CACNA1B: variants seen among roughly 807,000 people sequenced by gnomAD.
CACNA1B encodes calcium voltage-gated channel subunit alpha1 B.
Under a neutral mutation model 247.2 loss-of-function variants are expected in CACNA1B, and 70 were observed. The ratio of observed to expected loss-of-function variants is 0.28; its 90% CI spans 0.23 to 0.35. The LOEUF (loss-of-function observed/expected upper bound fraction) is 0.35. Among genes scored for constraint, CACNA1B ranks in the 10% least tolerant of loss-of-function variants. The pLI is 1.00. For synonymous variants in CACNA1B, 1,231 were observed against 1,294.4 expected (o/e 0.95, Z 1.05); for missense variants, 2,367 against 3,197.4 (o/e 0.74, Z 6.26).
chr9:138,025,149 T>A lies in CACNA1B; in HGVS notation c.3263T>A (p.Leu1088His), dbSNP rs1200532659. 6.2e-7 allele frequency: 1 copy of A among 1,611,926 alleles called. No individual in the cohort carries two copies. The highest frequency in any genetic ancestry group is 1.7e-5 in the Admixed American group (1 of 59,842). The change falls in exon 20 of 47, where the codon CTT (leucine) becomes CAT (histidine). Residue 1088 changes from leucine to histidine, a missense_variant. Around this residue, in one of 12 missense-constraint regions of CACNA1B, gnomAD observed 631 missense variants for 631.1 expected, o/e 1.00. Coordinates refer to ENST00000371372, the MANE Select transcript of CACNA1B (RefSeq NM_000718.4). Reference protein sequence around the residue: ...VHIPVMLTGPLGEATVVPSGN... With the variant: ...VHIPVMLTGPHGEATVVPSGN... Reference sequence around the variant, plus strand: ...ATCCCAGTGATGCTGACGGGCCCTCTTGGGGAAGCCACGGTCGTTCCCAGT... The same window carrying A: ...ATCCCAGTGATGCTGACGGGCCCTCATGGGGAAGCCACGGTCGTTCCCAGT...
rs143492598 is a variant in CACNA1B at position 137,996,239 on chromosome 9, C to G, written c.1974+9385C>G. Among the ~76,000 whole-genome samples the G allele has an allele frequency of 4.2e-3, 644 of 152,282 alleles. 9 individuals carry two copies. The highest frequency in any genetic ancestry group is 0.015 in the African/African-American group (606 of 41,544). On this transcript the variant is annotated intron_variant, in intron 15 of 46. Coordinates refer to ENST00000371372, the MANE Select transcript of CACNA1B (RefSeq NM_000718.4). ...TTTATAGCAGCACAATTTGGAATTG[C>G]AAAAATATGGAACCAACCCAGATGC...
At chr9:138,069,347 G>T (rs1185497975) in intron 31 of CACNA1B, among the ~76,000 whole-genome samples, 1 of 152,126 alleles carries the variant, frequency 6.6e-6, no homozygotes, top group Non-Finnish European at 1.5e-5. Context: ...AACTGACATT[G>T]ATTTCTTTGC....
intron 18 of CACNA1B, among the ~76,000 whole-genome samples, chr9:138,017,651 CTG>C (rs1564240590): frequency 1.3e-5 from 2 of 152,310 alleles, no homozygotes; most frequent in Admixed American, 1.3e-4. Flanking sequence ...GGGACTGTGT[CTG>C]TGATTCTCAG....
rs369551772 is a variant in CACNA1B at position 138,045,007 on chromosome 9, C to G, written c.3413+1107C>G. Among the ~76,000 whole-genome samples, 7 of 152,316 alleles carry G rather than the reference C, an allele frequency of 4.6e-5. No homozygotes were observed. In the East Asian group the frequency reaches 1.3e-3, roughly 29 times the overall value. On this transcript the variant is annotated intron_variant, in intron 21 of 46. Transcript: ENST00000371372. ...GTGGAAATGGAAACACAGGAAGGCA[C>G]TGGCATTCTGGGAGCAGGTGATAGA...
At chr9:137,956,721 C>T in intron 8 of CACNA1B, 50 bp from the exon 9 acceptor site, 1 of 1,537,984 alleles carries the variant, frequency 6.5e-7, no homozygotes, top group Non-Finnish European at 9.0e-7. Context: ...TGTCCTGGGG[C>T]ATTCCTGGGG....
Position 138,073,970 on chromosome 9 carries a change from G to A in CACNA1B, c.4792-31G>A. 4 of 1,594,412 alleles carry A rather than the reference G, an allele frequency of 2.5e-6. No individual in the cohort carries two copies. Among genetic ancestry groups the A allele is most frequent in the South Asian group, 2.2e-5 (2 of 90,818 alleles). On this transcript the variant is annotated intron_variant, in intron 33 of 46. Coordinates refer to ENST00000371372, the MANE Select transcript of CACNA1B (RefSeq NM_000718.4). The surrounding 1 kb of genome is among the most constrained non-coding windows in gnomAD (Gnocchi z 6.4). ...GGCCTGGGCGTGGTGGCTGGGAGGT[G>A]CCTGTAGCTGACCGGCCCCTGTCTC...
intron 6 of CACNA1B, among the ~76,000 whole-genome samples, chr9:137,934,058 A>G (rs1030992547): frequency 1.3e-5 from 2 of 152,236 alleles, no homozygotes; most frequent in Non-Finnish European, 2.9e-5. Flanking sequence ...AAATTGTAAA[A>G]ATATAAAAAA....
rs1427533117 is a variant in CACNA1B at position 138,014,296 on chromosome 9, C to T, written c.2267+1061C>T. Among the ~76,000 whole-genome samples, 1 of 152,160 alleles carries T rather than the reference C, an allele frequency of 6.6e-6. No individual in the cohort carries two copies. The highest frequency in any genetic ancestry group is 1.5e-5 in the Non-Finnish European group (1 of 68,032). On this transcript the variant is annotated intron_variant, in intron 18 of 46. Coordinates refer to ENST00000371372, the MANE Select transcript of CACNA1B (RefSeq NM_000718.4). The surrounding 1 kb of genome is among the most constrained non-coding windows in gnomAD (Gnocchi z 6.2). ...TGTGCTGAGTGTGTGCACCCCCATACCAGCCCTGATCCTGCCTGGAGGGCA... is the reference window on the plus strand; with the variant it reads ...TGTGCTGAGTGTGTGCACCCCCATATCAGCCCTGATCCTGCCTGGAGGGCA...
chr9:138,113,169 AACGT>A (rs1961717839), intron 40 of CACNA1B, among the ~76,000 whole-genome samples: 2 of 104,610 alleles, frequency 1.9e-5, no homozygotes, highest in Non-Finnish European at 4.0e-5. Flanking sequence ...ATCTTATGGG[AACGT>A]GAGGGAGCGC....
intron 10 of CACNA1B, among the ~76,000 whole-genome samples, chr9:137,959,293 G>A (rs1589033429): frequency 6.6e-6 from 1 of 152,082 alleles, no homozygotes; most frequent in African/African-American, 2.4e-5. Flanking sequence ...GGCTGTTCTC[G>A]AACTCCTGAC....
rs1956933926 is a variant in CACNA1B at position 137,882,288 on chromosome 9, G to C, written c.391-456G>C. Among the ~76,000 whole-genome samples, 1 of 152,214 alleles carries C rather than the reference G, an allele frequency of 6.6e-6. No homozygotes were observed. The highest frequency in any genetic ancestry group is 1.5e-5 in the Non-Finnish European group (1 of 68,032). Reference sequence around the variant, plus strand: ...CTGTGCCTCTGTCTCCCACATGTTAGAATGGGGATGACCTCATGGGGTATT... The same window carrying C: ...CTGTGCCTCTGTCTCCCACATGTTACAATGGGGATGACCTCATGGGGTATT... On this transcript the variant is annotated intron_variant, in intron 2 of 46. Coordinates refer to ENST00000371372, the MANE Select transcript of CACNA1B (RefSeq NM_000718.4). The surrounding 1 kb of genome is among the most constrained non-coding windows in gnomAD (Gnocchi z 4.0).
chr9:138,103,247 G>A (rs888139370), intron 38 of CACNA1B, among the ~76,000 whole-genome samples: 74 of 152,172 alleles, frequency 4.9e-4, no homozygotes, highest in Non-Finnish European at 1.2e-4. Context: ...TGGCCCTGGG[G>A]GCAGGTGGGG....
At chr9:137,926,695 A>G (rs971617429) in intron 6 of CACNA1B, among the ~76,000 whole-genome samples, 10 of 152,256 alleles carry the variant, frequency 6.6e-5, no homozygotes, top group African/African-American at 2.4e-4. Flanking sequence ...CATCCTCACC[A>G]ATACTTGTTA....
At chr9:137,933,401 G>A (rs1957629954) in intron 6 of CACNA1B, among the ~76,000 whole-genome samples, 1 of 152,176 alleles carries the variant, frequency 6.6e-6, no homozygotes, top group Non-Finnish European at 1.5e-5. Flanking sequence ...TTTCGCTTCT[G>A]TTAATACAAA....
At chr9:137,915,387 G>A (rs1225939554) in intron 5 of CACNA1B, among the ~76,000 whole-genome samples, 1 of 152,212 alleles carries the variant, frequency 6.6e-6, no homozygotes, top group African/African-American at 2.4e-5. Context: ...CCAGGGTGTT[G>A]TGATAGAGGT....
intron 3 of CACNA1B, among the ~76,000 whole-genome samples, chr9:137,895,105 G>A (rs1298716819): frequency 1.3e-5 from 2 of 152,190 alleles, no homozygotes; most frequent in African/African-American, 4.8e-5. Flanking sequence ...TGAAAGGGCT[G>A]CATTTCTTCC....
Position 138,058,805 on chromosome 9 carries a change from A to T in CACNA1B, c.4473+72A>T, listed in dbSNP as rs1959610000. The T allele has an allele frequency of 2.2e-6, 3 of 1,356,692 alleles. No individual in the cohort carries two copies. Among genetic ancestry groups the T allele is most frequent in the African/African-American group, 1.5e-5 (1 of 68,642 alleles). 84.0% of individuals were successfully genotyped at this position (1,356,692 alleles called of 1,614,324 possible). On this transcript the variant is annotated intron_variant, in intron 29 of 46. Coordinates refer to ENST00000371372, the MANE Select transcript of CACNA1B (RefSeq NM_000718.4). This position sits in a 1 kb window ranked among gnomAD's most constrained non-coding sequence, Gnocchi z 4.7. ...GGGATCTAACCCTGAGGCTGAGTGG[A>T]GAGTCAGCCTTCTTCCTCCCTGCAT...
chr9:138,006,673 C>T (rs558257315), intron 15 of CACNA1B, 94 bp from the exon 16 acceptor site: 21 of 714,214 alleles, frequency 2.9e-5, no homozygotes, highest in Admixed American at 1.2e-4. Flanking sequence ...TGCGCGTGGA[C>T]GTGGCGGTGC....
intron 36 of CACNA1B, among the ~76,000 whole-genome samples, chr9:138,085,548 G>T (rs1343023079): frequency 6.6e-6 from 1 of 151,150 alleles, no homozygotes. Flanking sequence ...TCCCCCAATA[G>T]ATTCAACCAA....
Sources: allele counts gnomAD v4.1 joint callset (sites outside exome capture counted in the v4.1 genomes callset), GRCh38; gene constraint gnomAD v4.1.1; regional missense constraint gnomAD v4.1.1; non-coding constraint Gnocchi (gnomAD v3.1); transcripts MANE v1.5; gene names NCBI Gene and HGNC (gene_info 2026-07-23, HGNC 2026-07-21).